TPRG1: variants seen among roughly 807,000 people sequenced by gnomAD.
TPRG1 encodes the protein tumor protein p63-regulated gene 1 protein.
Under a neutral mutation model 29.3 loss-of-function variants are expected in TPRG1, and 29 were observed. That is an observed-to-expected ratio of 0.99 (90% CI 0.74 to 1.35). TPRG1 has a LOEUF of 1.35. Ranked by LOEUF, TPRG1 falls within the 40% of genes most tolerant of loss-of-function variation. The pLI, the probability that TPRG1 is intolerant of heterozygous loss-of-function variation, is 0.00. For synonymous variants in TPRG1, 130 were observed against 116.8 expected (o/e 1.11, Z -0.73); for missense variants, 327 against 335.0 (o/e 0.98, Z 0.19).
At chr3:189,317,996 G>A (rs1046576029) in intron 5 of TPRG1, among the ~76,000 whole-genome samples, 1 of 152,140 alleles carries the variant, frequency 6.6e-6, no homozygotes, top group African/African-American at 2.4e-5. Context: ...TATAGTCACA[G>A]GGTCTCTATG....
intron 1 of TPRG1, among the ~76,000 whole-genome samples, chr3:189,101,244 T>G (rs184764847): frequency 2.0e-5 from 3 of 152,298 alleles, no homozygotes; most frequent in Admixed American, 2.0e-4. Flanking sequence ...CCCTATCTTC[T>G]GCCCTAATTG....
chr3:189,176,148 T>C (rs1729460615), intron 1 of TPRG1, among the ~76,000 whole-genome samples: 1 of 152,218 alleles, frequency 6.6e-6, no homozygotes, highest in South Asian at 2.1e-4. Flanking sequence ...AACCCCAAGG[T>C]ATTTTATAAA....
At chr3:189,312,115 T>TCC (rs1722646799) in intron 5 of TPRG1, among the ~76,000 whole-genome samples, 3 of 69,040 alleles carry the variant, frequency 4.3e-5, no homozygotes, top group African/African-American at 2.1e-4. Context: ...GTTTCTTTCT[T>TCC]TGTTTCTTTC....
chr3:189,293,690 A>G (rs978503569), intron 4 of TPRG1, among the ~76,000 whole-genome samples: 3 of 152,186 alleles, frequency 2.0e-5, no homozygotes, highest in African/African-American at 7.2e-5. Flanking sequence ...CCATCTAAAG[A>G]TTAAGATTCT....
rs781328233 is a variant in TPRG1 at position 189,215,391 on chromosome 3, G to A, written c.302+8G>A. 3.1e-6 allele frequency: 5 copies of A among 1,608,706 alleles called. No homozygotes were observed. The highest frequency in any genetic ancestry group is 2.2e-5 in the South Asian group (2 of 90,114). Reference sequence around the variant, plus strand: ...CTTCTGGCTCTTGACAAAGTGAGTAGTCACAGCTAAGTGAAGGGCCGTGGA... The same window carrying A: ...CTTCTGGCTCTTGACAAAGTGAGTAATCACAGCTAAGTGAAGGGCCGTGGA... On this transcript the variant is annotated splice_region_variant and intron_variant, in intron 3 of 5. Coordinates refer to ENST00000345063, the MANE Select transcript of TPRG1 (RefSeq NM_198485.4).
At chr3:189,158,147 C>A (rs1244719166) in intron 5 of TPRG1, among the ~76,000 whole-genome samples, 3 of 152,170 alleles carry the variant, frequency 2.0e-5, no homozygotes, top group Admixed American at 1.3e-4. Context: ...GTCCCTTAAA[C>A]CACTTAAGAC....
chr3:189,213,066 A>G (rs1735518502), intron 2 of TPRG1, among the ~76,000 whole-genome samples: 1 of 152,182 alleles, frequency 6.6e-6, no homozygotes, highest in Non-Finnish European at 1.5e-5. Context: ...CTCAGAGCTG[A>G]TTATTCAATT....
chr3:189,052,497 T>C (rs1374841907), intron 4 of TPRG1, among the ~76,000 whole-genome samples: 2 of 152,180 alleles, frequency 1.3e-5, no homozygotes, highest in African/African-American at 4.8e-5. Flanking sequence ...CTGGTGGGAA[T>C]GTAAAGTAGC....
chr3:189,008,064 GA>G (rs34297763), intron 3 of TPRG1, among the ~76,000 whole-genome samples: 10,779 of 92,442 alleles, frequency 0.12, 1,351 homozygotes, highest in African/African-American at 0.36. Context: ...AGAAAAGAAA[GA>G]AAAAAAAAAA....
intron 4 of TPRG1, among the ~76,000 whole-genome samples, chr3:189,298,531 TAAGACTTCTTTTATTACATAA>T (rs910965683): frequency 1.3e-5 from 2 of 152,216 alleles, no homozygotes; most frequent in Admixed American, 1.3e-4. Context: ...CTCTGACCTC[TAAGACTTCTTTTATTACATAA>T]AAGTACTTCA....
chr3:189,226,725 G>GA lies in TPRG1; in HGVS notation c.302+11348dup, dbSNP rs1170102022. Among the ~76,000 whole-genome samples, 4 of 114,726 alleles carry GA rather than the reference G, an allele frequency of 3.5e-5. No homozygotes were observed. The South Asian group carries it at 7.9e-4, about 23-fold the overall frequency. 75.3% of individuals were successfully genotyped at this position (114,726 alleles called of 152,430 possible). A position where few individuals can be genotyped will look rare whatever the true frequency, so the allele number is the denominator to read the frequency against. On this transcript the variant is annotated intron_variant, in intron 3 of 5. Transcript: ENST00000345063. Reference sequence around the variant, plus strand: ...AACAAAAAAAACCGAAAGAACTATAGAAAAAATTAACAAAACAAAAAGTTG... The same window carrying GA: ...AACAAAAAAAACCGAAAGAACTATAGAAAAAAATTAACAAAACAAAAAGTTG...
At chr3:189,116,566 C>A (rs1721201817) in intron 1 of TPRG1, among the ~76,000 whole-genome samples, 1 of 152,092 alleles carries the variant, frequency 6.6e-6, no homozygotes, top group South Asian at 2.1e-4. Flanking sequence ...GACAGATAAA[C>A]AATATGTAGT....
At chr3:188,998,604 A>T (rs848991) in intron 1 of TPRG1, among the ~76,000 whole-genome samples, 5 of 152,286 alleles carry the variant, frequency 3.3e-5, no homozygotes, top group South Asian at 4.1e-4. Context: ...ATGGATAAAA[A>T]GTGTGGTACA....
chr3:189,077,852 G>A (rs1717285025), intron 4 of TPRG1, among the ~76,000 whole-genome samples: 1 of 152,074 alleles, frequency 6.6e-6, no homozygotes, highest in South Asian at 2.1e-4. Context: ...CTTTGCATTT[G>A]TACAGAAACC....
At chr3:189,304,120 T>TTG (rs911828091) in intron 4 of TPRG1, among the ~76,000 whole-genome samples, 12 of 151,700 alleles carry the variant, frequency 7.9e-5, no homozygotes, top group Admixed American at 7.2e-4. Context: ...ACTCTTGTTT[T>TTG]TTTTTTTTTT....
chr3:189,076,599 G>A (rs1190693349), intron 4 of TPRG1, among the ~76,000 whole-genome samples: 2 of 151,972 alleles, frequency 1.3e-5, no homozygotes, highest in Non-Finnish European at 2.9e-5. Flanking sequence ...CAGATGGTTA[G>A]TAAGTAGTTT....
At chr3:189,199,395 A>G (rs140896419) in intron 1 of TPRG1, among the ~76,000 whole-genome samples, 229 of 152,356 alleles carry the variant, frequency 1.5e-3, no homozygotes, top group African/African-American at 5.3e-3. Context: ...AAACTTAGGA[A>G]TAATTTAGTC....
intron 3 of TPRG1, among the ~76,000 whole-genome samples, chr3:189,137,929 G>A (rs1182436537): frequency 6.6e-6 from 1 of 152,164 alleles, no homozygotes; most frequent in Admixed American, 6.5e-5. Context: ...GCTGGAAGAT[G>A]TAGCCTTAGG....
intron 4 of TPRG1, among the ~76,000 whole-genome samples, chr3:189,250,504 G>GCCCCACC (rs768716080): frequency 1.3e-4 from 3 of 23,588 alleles, no homozygotes; most frequent in Non-Finnish European, 2.5e-4. Context: ...TCTGATTTCC[G>GCCCCACC]CCCCCCCCCC....
Sources: gnomAD v4.1 joint callset for allele counts (sites outside exome capture counted in the v4.1 genomes callset) on GRCh38, gnomAD v4.1.1 for gene constraint, MANE v1.5 for transcripts, NCBI Gene and HGNC (gene_info 2026-07-23, HGNC 2026-07-21) for gene names.